Variants in ERVK3-1 observed in about 807,000 individuals in gnomAD.
ERVK3-1 encodes HERV-K(HML6-1).
intron 2 of ERVK3-1, among the ~76,000 whole-genome samples, chr19:58,308,419 G>A (rs1306546825): frequency 6.6e-6 from 1 of 152,228 alleles, no homozygotes; most frequent in Admixed American, 6.5e-5. Context: ...ATTTTACTTT[G>A]TGTCAGTCCA....
intron 2 of ERVK3-1, chr19:58,306,620 C>G (rs921527576): frequency 6.6e-6 from 1 of 152,142 alleles, no homozygotes; most frequent in African/African-American, 2.4e-5. Flanking sequence ...TCACCAGCAG[C>G]GCCCATTGAA....
At chr19:58,315,600 T>C (rs2051587711) in exon 4 of ERVK3-1, 2 of 152,232 alleles carry the variant, frequency 1.3e-5, no homozygotes. Flanking sequence ...TTCATAGACA[T>C]TGGGGTTGTT....
At chr19:58,311,903 A>G (rs999905225) in intron 2 of ERVK3-1, 1 of 281,146 alleles carries the variant, frequency 3.6e-6, no homozygotes, top group Non-Finnish European at 6.6e-6. Flanking sequence ...TACATCAAAC[A>G]CTACAACGCA....
In ERVK3-1 at chr19:58,310,050, C is replaced by T. The variant is rs993118713; in HGVS notation, c.-3-2116C>T. On this transcript the variant is annotated intron_variant, in intron 2 of 3. Coordinates refer to ENST00000413518, the Ensembl canonical transcript of ERVK3-1. This position sits in a 1 kb window ranked among gnomAD's most constrained non-coding sequence, Gnocchi z 4.7. ...TTTCAGGTGGACAGACCTATTTTACCGATGGCTCTTCCAAAAGCCACACAG... is the reference window on the plus strand; with the variant it reads ...TTTCAGGTGGACAGACCTATTTTACTGATGGCTCTTCCAAAAGCCACACAG... 7.2e-5 allele frequency: 11 copies of T among 152,084 alleles called. No individual in the cohort carries two copies. The highest frequency in any genetic ancestry group is 1.4e-4 in the African/African-American group (6 of 41,388). The allele number at this position is 152,084 out of a possible 1,614,324, so 9.4% of individuals were successfully genotyped here.
chr19:58,314,874 C>G (rs1474683468), exon 4 of ERVK3-1: 4 of 398,636 alleles, frequency 1.0e-5, no homozygotes, highest in African/African-American at 6.2e-5. Flanking sequence ...TCGTGACCAA[C>G]TCAGTATACC....
rs536858619 is a variant in ERVK3-1, at chr19:58,313,287, T to G, written c.294+825T>G. On this transcript the variant is annotated intron_variant, in intron 3 of 3. Transcript: ENST00000413518. This position sits in a 1 kb window ranked among gnomAD's most constrained non-coding sequence, Gnocchi z 4.5. ...AATTTACGGTTTGTGGGTTTTTTGT[T>G]GTTGTTGTTAACTGTTTGAGATGGA... Among the ~76,000 whole-genome samples, 2 of 152,312 alleles carry G rather than the reference T, an allele frequency of 1.3e-5. No individual in the cohort carries two copies. The highest frequency in any genetic ancestry group is 4.8e-5 in the African/African-American group (2 of 41,568).
exon 4 of ERVK3-1, chr19:58,315,313 GGT>G (rs998923717): frequency 2.0e-5 from 3 of 152,226 alleles, no homozygotes; most frequent in African/African-American, 4.8e-5. Flanking sequence ...TGTGACCTCA[GGT>G]GTGTGAGTAT....
At chr19:58,306,906 A>G (rs1600469637) in intron 2 of ERVK3-1, among the ~76,000 whole-genome samples, 1 of 152,254 alleles carries the variant, frequency 6.6e-6, no homozygotes, top group African/African-American at 2.4e-5. Flanking sequence ...GATTGTTAGA[A>G]TCTGTATTCA....
chr19:58,305,603 T>TGG, intron 1 of ERVK3-1, among the ~76,000 whole-genome samples, 158 bp downstream of exon 1: 2 of 151,738 alleles, frequency 1.3e-5, no homozygotes, highest in Admixed American at 6.6e-5. Context: ...GCGCGGTGCG[T>TGG]GAGGGCGCGA....
intron 3 of ERVK3-1, among the ~76,000 whole-genome samples, chr19:58,314,362 C>A (rs28840697): frequency 0.097 from 14,689 of 151,824 alleles, 750 homozygotes; most frequent in East Asian, 0.25. Context: ...TGCGGTGGCT[C>A]ACGCCTATAA....
intron 2 of ERVK3-1, chr19:58,309,244 T>C (rs1311634204): frequency 6.6e-6 from 1 of 152,244 alleles, no homozygotes; most frequent in African/African-American, 2.4e-5. Flanking sequence ...TGGATAATAT[T>C]GTTTTGGCCA....
intron 2 of ERVK3-1, chr19:58,306,660 C>T (rs1271236278): frequency 6.6e-6 from 1 of 152,170 alleles, no homozygotes; most frequent in Non-Finnish European, 1.5e-5. Context: ...AGGATGAGAA[C>T]TGGCCTGTAC....
chr19:58,309,419 C>T (rs1600470948), intron 2 of ERVK3-1: 1 of 152,162 alleles, frequency 6.6e-6, no homozygotes, highest in South Asian at 2.1e-4. Flanking sequence ...AGTAGCTCTT[C>T]GTAAGAACAA....
At chr19:58,315,530 C>T (rs1349631542) in exon 4 of ERVK3-1, 1 of 152,160 alleles carries the variant, frequency 6.6e-6, no homozygotes, top group East Asian at 1.9e-4. Context: ...TTTTTCATTC[C>T]TCTTTATGGC....
exon 4 of ERVK3-1, chr19:58,314,850 C>A (rs761328435): frequency 5.0e-6 from 2 of 399,410 alleles, no homozygotes; most frequent in African/African-American, 2.1e-5. Context: ...TGTTGGAGGC[C>A]GAAGGAATGA....
At chr19:58,315,712 G>A (rs891772311), downstream of ERVK3-1, 2 of 152,324 alleles carry the variant, frequency 1.3e-5, no homozygotes, top group African/African-American at 2.4e-5. Flanking sequence ...CCATGGGTGG[G>A]ACCTAGGCTT....
rs1390578223 is a variant in ERVK3-1, at chr19:58,311,121, G to T, written c.-3-1045G>T. The stretch of plus-strand genomic sequence containing the variant: ...TAATTGCTACAAACTAATGATTAAT[G>T]ATATTCATATATAATCATATCTAAG... On this transcript the variant is annotated intron_variant, in intron 2 of 3. Transcript: ENST00000413518. 5.2e-5 allele frequency: 8 copies of T among 153,692 alleles called. No individual in the cohort carries two copies. The East Asian group carries it at 9.5e-4, about 18-fold the overall frequency. 9.5% of individuals were successfully genotyped at this position (153,692 alleles called of 1,614,324 possible).
rs1568533959 is a variant in ERVK3-1, at chr19:58,312,398, G to A, written c.230G>A (p.Arg77His). 7 of 400,054 alleles carry A rather than the reference G, an allele frequency of 1.7e-5. No homozygotes were observed. Among genetic ancestry groups the A allele is most frequent in the Admixed American group, 4.4e-5 (1 of 22,704 alleles). 24.8% of individuals were successfully genotyped at this position (400,054 alleles called of 1,614,324 possible). Residue 77 changes from arginine (R) to histidine (H), a missense_variant, in exon 3 of 4, where the codon CGC becomes CAC. Transcript: ENST00000413518. The surrounding 1 kb of genome is among the most constrained non-coding windows in gnomAD (Gnocchi z 4.7). ...CAAGAAGCTGAGAAACTACTGGAGC[G>A]CCAGGGTCAGGCAAAAACCCCTGAC...
At position 58,313,518 on chromosome 19, in the gene ERVK3-1, C is replaced by A. The variant is rs925512658; in HGVS notation, c.294+1056C>A. On this transcript the variant is annotated intron_variant, in intron 3 of 3. Coordinates refer to ENST00000413518, the Ensembl canonical transcript of ERVK3-1. The surrounding 1 kb of genome is among the most constrained non-coding windows in gnomAD (Gnocchi z 4.5). Reference sequence around the variant, plus strand: ...TTCTTGGCCAGGCTGCTCTTGAATTCCTGACCTCGTGATCCACCCGCCTTG... The same window carrying A: ...TTCTTGGCCAGGCTGCTCTTGAATTACTGACCTCGTGATCCACCCGCCTTG... 1.3e-5 allele frequency among the ~76,000 whole-genome samples: 2 copies of A among 152,170 alleles called. No individual in the cohort carries two copies. The highest frequency in any genetic ancestry group is 4.8e-5 in the African/African-American group (2 of 41,432).
Sources: gnomAD v4.1 joint callset for allele counts (sites outside exome capture counted in the v4.1 genomes callset) on GRCh38, gnomAD v4.1.1 for gene constraint, Gnocchi (gnomAD v3.1) non-coding constraint, MANE v1.5 for transcripts, NCBI Gene and HGNC (gene_info 2026-07-23, HGNC 2026-07-21) for gene names.